The following UBAP1L variants were observed in gnomAD, a reference collection of about 807,000 sequenced individuals.
UBAP1L encodes ubiquitin associated protein 1 like.
Under a neutral mutation model 32.1 loss-of-function variants are expected in UBAP1L, and 32 were observed. The observed-to-expected ratio is 1.00, with a 90% confidence interval of 0.75 to 1.34. The LOEUF is 1.34. Ranked by LOEUF, UBAP1L falls within the 40% of genes most tolerant of loss-of-function variation. The probability of loss-of-function intolerance (pLI) is 0.00; values close to 1 mark genes in which losing one functional copy is unlikely to be tolerated. For missense variants in UBAP1L, 516 were observed against 540.5 expected (o/e 0.95, Z 0.45); for synonymous variants, 243 against 250.2 (o/e 0.97, Z 0.27).
Position 65,099,293 on chromosome 15 carries a change from C to T in UBAP1L, c.909+212G>A, listed in dbSNP as rs181045878. On this transcript the variant is annotated intron_variant, in intron 4 of 5. Coordinates refer to ENST00000559089, the MANE Select transcript of UBAP1L (RefSeq NM_001163692.2). ...TCCACTTACCTCAGGTCACCCCCTT[C>T]CCACATGCAATGACTGATTGAGGCA... The T allele has an allele frequency of 5.0e-3, 2,872 of 572,082 alleles. 19 individuals carry two copies. The highest frequency in any genetic ancestry group is 5.6e-3 in the Non-Finnish European group (1,810 of 321,322). 35.4% of individuals were successfully genotyped at this position (572,082 alleles called of 1,614,324 possible).
At position 65,094,566 on chromosome 15, in the gene UBAP1L, T is replaced by A; in HGVS notation, c.920A>T (p.Tyr307Phe). The change falls in exon 5 of 6, where the codon TAC becomes TTC. Residue 307 changes from tyrosine (Y) to phenylalanine (F), a missense_variant. Coordinates refer to ENST00000559089, the MANE Select transcript of UBAP1L (RefSeq NM_001163692.2). This position sits in a 1 kb window ranked among gnomAD's most constrained non-coding sequence, Gnocchi z 4.2. ...GRQSLSQFLS[Y>F]LSACDRLLRQ... Reference sequence around the variant, plus strand: ...TAACAGGCGGTCACAGGCACTGAGGTAGCTGAGAAACTGGGCCGGAAGCGG... The same window carrying A: ...TAACAGGCGGTCACAGGCACTGAGGAAGCTGAGAAACTGGGCCGGAAGCGG... The A allele has an allele frequency of 6.4e-7, 1 of 1,551,194 alleles. No individual in the cohort carries two copies. The highest frequency in any genetic ancestry group is 8.7e-7 in the Non-Finnish European group (1 of 1,146,864).
rs2087216335 is a variant in UBAP1L, at chr15:65,099,589, G to A, written c.825C>T (p.Leu275=). The A allele has an allele frequency of 1.9e-6, 3 of 1,551,650 alleles. No homozygotes were observed. Among genetic ancestry groups the A allele is most frequent in the East Asian group, 2.4e-5 (1 of 40,918 alleles). ...LSALSQEEQD[L]IGPVVALGYP... ...ATCCCAGGGCGACCACTGGCCCAAT[G>A]AGGTCTTGCTCCTCCTGGCTCAGGG... is the stretch of plus-strand genomic sequence containing the variant. The change falls in exon 4 of 6, where the codon CTC becomes CTT. Residue 275 remains leucine, a synonymous_variant. Coordinates refer to ENST00000559089, the MANE Select transcript of UBAP1L (RefSeq NM_001163692.2).
Position 65,094,898 on chromosome 15 carries a change from C to T in UBAP1L, c.910-322G>A. 1 of 393,682 alleles carries T rather than the reference C, an allele frequency of 2.5e-6. No homozygotes were observed. The highest frequency in any genetic ancestry group is 4.8e-6 in the Non-Finnish European group (1 of 208,606). The allele number at this position is 393,682 out of a possible 1,614,324, so 24.4% of individuals were successfully genotyped here. A position where few individuals can be genotyped will look rare whatever the true frequency, so the allele number is the denominator to read the frequency against. Reference sequence around the variant, plus strand: ...GGACAGGCTTCAAACACAGACATCCCACCTACCACCCAACGCAATTCAACA... The same window carrying T: ...GGACAGGCTTCAAACACAGACATCCTACCTACCACCCAACGCAATTCAACA... On this transcript the variant is annotated intron_variant, in intron 4 of 5. Coordinates refer to ENST00000559089, the MANE Select transcript of UBAP1L (RefSeq NM_001163692.2). The surrounding 1 kb of genome is among the most constrained non-coding windows in gnomAD (Gnocchi z 4.2).
chr15:65,096,545 G>C (rs888757033), intron 4 of UBAP1L: 12 of 152,268 alleles, frequency 7.9e-5, no homozygotes, highest in African/African-American at 2.4e-4. Context: ...TCTGCTGCTT[G>C]GTTAGCTTTT....
At position 65,106,142 on chromosome 15, in the gene UBAP1L, G is replaced by C. The variant is rs777086609; in HGVS notation, c.74C>G (p.Pro25Arg). ...FVIGTEPLPG[P>R]ELSVPACGEV... is the part of the protein sequence containing the mutation. ...CCCGCAGGCCGGGACGCTGAGTTCT[G>C]GCCCAGGGAGAGGCTCTGTGCCTAT... Residue 25 changes from proline (P) to arginine (R), a missense_variant, in exon 2 of 6, where the codon CCA becomes CGA. Transcript: ENST00000559089. 3.2e-6 allele frequency: 5 copies of C among 1,551,026 alleles called. No individual in the cohort carries two copies. In the Admixed American group the frequency reaches 5.9e-5, roughly 18 times the overall value.
Position 65,106,115 on chromosome 15 carries a change from TC to T in UBAP1L, c.100del (p.Glu34LysfsTer47). 1 of 1,551,010 alleles carries T rather than the reference TC, an allele frequency of 6.4e-7. No individual in the cohort carries two copies. The highest frequency in any genetic ancestry group is 8.7e-7 in the Non-Finnish European group (1 of 1,146,818). On this transcript the variant is annotated frameshift_variant, in exon 2 of 6. Coordinates refer to ENST00000559089, the MANE Select transcript of UBAP1L (RefSeq NM_001163692.2). LOFTEE classifies it high-confidence loss of function. The stretch of plus-strand genomic sequence containing the variant: ...ACTTACCATAGAACCCAGCAGAACT[TC>T]CCCGCAGGCCGGGACGCTGAGTTCT... The part of the protein sequence containing the change: ...GPELSVPACG[E>X]VLLGSMHDFS...
At chr15:65,111,985 A>G (rs2087372287) in intron 1 of UBAP1L, among the ~76,000 whole-genome samples, 1 of 152,186 alleles carries the variant, frequency 6.6e-6, no homozygotes, top group South Asian at 2.1e-4. Context: ...CAAGGGCTAC[A>G]GTAAAGATAT....
chr15:65,105,470 G>A (rs1293699751), intron 2 of UBAP1L: 1 of 389,996 alleles, frequency 2.6e-6, no homozygotes, highest in South Asian at 2.2e-5. Flanking sequence ...GTGACAGAGC[G>A]AGACTCTGTC....
Position 65,092,974 on chromosome 15 carries a change from G to T in UBAP1L, c.*123C>A. On this transcript the variant is annotated 3_prime_UTR_variant, in exon 6 of 6. Coordinates refer to ENST00000559089, the MANE Select transcript of UBAP1L (RefSeq NM_001163692.2). ...TTAACTGTCACCCTTGGTATTATTT[G>T]TGTTTTTACAATAAGTATGCATCAC... 7.8e-7 allele frequency: 1 copy of T among 1,279,340 alleles called. No individual in the cohort carries two copies. Among genetic ancestry groups the T allele is most frequent in the Non-Finnish European group, 1.0e-6 (1 of 956,682 alleles). The allele number at this position is 1,279,340 out of a possible 1,614,324, so 79.2% of individuals were successfully genotyped here.
At chr15:65,099,035 C>G (rs1023813819) in intron 4 of UBAP1L, 1 of 153,248 alleles carries the variant, frequency 6.5e-6, no homozygotes, top group Non-Finnish European at 1.5e-5. Flanking sequence ...CAAATAGTAG[C>G]GTGGCTCAGA....
Position 65,094,630 on chromosome 15 carries a change from G to T in UBAP1L, c.910-54C>A. ...GAGGGTAAGAGGAGCAGCCGGGGCA[G>T]CAGACAGGGCAGAGAGGCACTCCAA... On this transcript the variant is annotated intron_variant, in intron 4 of 5. Coordinates refer to ENST00000559089, the MANE Select transcript of UBAP1L (RefSeq NM_001163692.2). This position sits in a 1 kb window ranked among gnomAD's most constrained non-coding sequence, Gnocchi z 4.2. 7.5e-7 allele frequency: 1 copy of T among 1,336,084 alleles called. No homozygotes were observed. The highest frequency in any genetic ancestry group is 1.0e-6 in the Non-Finnish European group (1 of 954,802). The allele number at this position is 1,336,084 out of a possible 1,614,324, so 82.8% of individuals were successfully genotyped here.
At chr15:65,096,673 C>CTCCTCCACCCTGTGAACTGGGAAA (rs2087177720) in intron 4 of UBAP1L, 1 of 152,298 alleles carries the variant, frequency 6.6e-6, no homozygotes, top group Non-Finnish European at 1.5e-5. Flanking sequence ...ACACGTATTC[C>CTCCTCCACCCTGTGAACTGGGAAA]TCCTCCACCC....
intron 4 of UBAP1L, chr15:65,095,848 C>T (rs567119653): frequency 4.0e-4 from 61 of 152,368 alleles, no homozygotes; most frequent in African/African-American, 1.4e-3. Flanking sequence ...CTGGGAGAAC[C>T]AGGGCCAGGG....
intron 1 of UBAP1L, among the ~76,000 whole-genome samples, chr15:65,109,239 C>T (rs1405089708): frequency 8.6e-5 from 13 of 151,114 alleles, no homozygotes; most frequent in Non-Finnish European, 2.9e-5. Flanking sequence ...AATCCCAGCA[C>T]TTTGGAGGCC....
intron 4 of UBAP1L, chr15:65,098,602 A>G (rs916866876): frequency 6.6e-6 from 1 of 152,208 alleles, no homozygotes; most frequent in African/African-American, 2.4e-5. Flanking sequence ...AAGAGGCCTC[A>G]AGAGGCCTTA....
At chr15:65,104,351 AAAG>A (rs762878717) in intron 2 of UBAP1L, among the ~76,000 whole-genome samples, 4 of 150,978 alleles carry the variant, frequency 2.6e-5, no homozygotes, top group East Asian at 1.9e-4. Flanking sequence ...AAAGAAAAGA[AAAG>A]AAAAAGAAAA....
intron 1 of UBAP1L, among the ~76,000 whole-genome samples, chr15:65,111,058 T>C (rs2087366769): frequency 6.6e-6 from 1 of 152,220 alleles, no homozygotes; most frequent in South Asian, 2.1e-4. Flanking sequence ...TGTTAGTGTC[T>C]TGCTGTATAT....
chr15:65,104,491 G>C (rs1044322892), intron 2 of UBAP1L, among the ~76,000 whole-genome samples: 5 of 152,170 alleles, frequency 3.3e-5, no homozygotes, highest in Admixed American at 3.3e-4. Flanking sequence ...GTACATAATA[G>C]AAAATCCAGA....
Position 65,093,793 on chromosome 15 carries a change from C to T in UBAP1L, c.1012-562G>A, listed in dbSNP as rs183782023. 4.6e-3 allele frequency among the ~76,000 whole-genome samples: 705 copies of T among 152,340 alleles called. 7 individuals are homozygous for T. The highest frequency in any genetic ancestry group is 0.01 in the Admixed American group (160 of 15,298). On this transcript the variant is annotated intron_variant, in intron 5 of 5. Coordinates refer to ENST00000559089, the MANE Select transcript of UBAP1L (RefSeq NM_001163692.2). ...GTGCGGTGGCTCACGCCTGTAATCCCAGCACTTTGGGAGGCCGAGGCGGGC... is the reference window on the plus strand; with the variant it reads ...GTGCGGTGGCTCACGCCTGTAATCCTAGCACTTTGGGAGGCCGAGGCGGGC...
Sources: allele counts gnomAD v4.1 joint callset (sites outside exome capture counted in the v4.1 genomes callset), GRCh38; gene constraint gnomAD v4.1.1; non-coding constraint Gnocchi (gnomAD v3.1); transcripts MANE v1.5; gene names NCBI Gene and HGNC (gene_info 2026-07-23, HGNC 2026-07-21).